The following CA10 variants were observed in gnomAD, a reference collection of about 807,000 sequenced individuals.
The protein encoded by CA10 is carbonic anhydrase-related protein 10.
Under a neutral mutation model 44.2 loss-of-function variants are expected in CA10, and 14 were observed. The observed-to-expected ratio is 0.32, with a 90% CI of 0.21 to 0.50. The LOEUF (loss-of-function observed/expected upper bound fraction) is 0.50. Ranked by LOEUF, CA10 falls within the 20% of genes least tolerant of loss-of-function variation. The pLI is 0.99. For synonymous variants in CA10, 159 were observed against 141.6 expected (o/e 1.12, Z -0.87); for missense variants, 350 against 409.7 (o/e 0.85, Z 1.26).
intron 1 of CA10, among the ~76,000 whole-genome samples, chr17:52,136,401 G>T (rs1456863910): frequency 6.6e-6 from 1 of 152,178 alleles, no homozygotes; most frequent in Non-Finnish European, 1.5e-5. Flanking sequence ...TAATGAGCAA[G>T]TTACACCATC....
At chr17:51,931,201 G>A (rs1489236922) in intron 2 of CA10, 69 bp from the exon 3 acceptor site, 2 of 1,478,884 alleles carry the variant, frequency 1.4e-6, no homozygotes, top group Non-Finnish European at 1.9e-6. Context: ...AATAAACAGA[G>A]CTATGTACAA....
chr17:51,966,025 G>A (rs950342289), intron 2 of CA10, among the ~76,000 whole-genome samples: 1 of 152,026 alleles, frequency 6.6e-6, no homozygotes, highest in South Asian at 2.1e-4. Context: ...AAAGTTTCAT[G>A]TTATAAAGTC....
chr17:51,928,098 T>C (rs1982503495), intron 3 of CA10, among the ~76,000 whole-genome samples: 1 of 152,152 alleles, frequency 6.6e-6, no homozygotes, highest in Admixed American at 6.5e-5. Flanking sequence ...TTTACTAATT[T>C]TGGATACTTG....
At chr17:51,700,731 G>T (rs1915568620) in intron 4 of CA10, among the ~76,000 whole-genome samples, 1 of 152,174 alleles carries the variant, frequency 6.6e-6, no homozygotes, top group African/African-American at 2.4e-5. Context: ...TCCGTAAGTG[G>T]TCACGTTCCT....
chr17:51,923,571 G>T (rs1425041430), intron 3 of CA10, among the ~76,000 whole-genome samples: 1 of 152,094 alleles, frequency 6.6e-6, no homozygotes, highest in South Asian at 2.1e-4. Flanking sequence ...GAACATAAAA[G>T]CCTCAAACAT....
At chr17:51,830,195 C>CAAAAAA (rs1220410518) in intron 3 of CA10, among the ~76,000 whole-genome samples, 435 of 86,712 alleles carry the variant, frequency 5.0e-3, no homozygotes, top group Middle Eastern at 0.014. Context: ...GACTCCATCT[C>CAAAAAA]AAAAAAAAAA....
intron 2 of CA10, among the ~76,000 whole-genome samples, chr17:52,026,617 G>A (rs572995439): frequency 2.2e-4 from 33 of 152,232 alleles, no homozygotes; most frequent in African/African-American, 7.7e-4. Flanking sequence ...AACAATCATG[G>A]CAGAAGGGGA....
intron 3 of CA10, among the ~76,000 whole-genome samples, chr17:51,781,945 G>T (rs1018946256): frequency 1.3e-5 from 2 of 152,158 alleles, no homozygotes; most frequent in African/African-American, 2.4e-5. Context: ...CAGAAGATTT[G>T]CTCCAAATCT....
At chr17:51,996,892 G>A (rs182761870) in intron 2 of CA10, among the ~76,000 whole-genome samples, 5 of 152,118 alleles carry the variant, frequency 3.3e-5, no homozygotes, top group East Asian at 1.9e-4. Flanking sequence ...TGATAAAAAC[G>A]TCACCAAGAG....
At chr17:52,089,464 A>G (rs886756594) in intron 1 of CA10, among the ~76,000 whole-genome samples, 1 of 152,192 alleles carries the variant, frequency 6.6e-6, no homozygotes, top group Admixed American at 6.6e-5. Context: ...AGCATTTTAT[A>G]TATGTATTGA....
chr17:52,009,085 C>T (rs547246920), intron 2 of CA10, among the ~76,000 whole-genome samples: 1 of 152,066 alleles, frequency 6.6e-6, no homozygotes, highest in South Asian at 2.1e-4. Context: ...GAACATAGCC[C>T]TTAAAGACAC....
At chr17:52,090,579 A>G (rs1988232733) in intron 1 of CA10, among the ~76,000 whole-genome samples, 1 of 152,194 alleles carries the variant, frequency 6.6e-6, no homozygotes, top group Non-Finnish European at 1.5e-5. Flanking sequence ...GTCATAATAT[A>G]CATCCTGGAT....
chr17:51,999,740 C>T (rs970332668), intron 2 of CA10, among the ~76,000 whole-genome samples: 14 of 152,186 alleles, frequency 9.2e-5, no homozygotes, highest in Non-Finnish European at 1.3e-4. Context: ...CCTGTCCATT[C>T]TGTCCTTGTT....
At chr17:51,886,892 C>T (rs540380965) in intron 3 of CA10, among the ~76,000 whole-genome samples, 25 of 152,272 alleles carry the variant, frequency 1.6e-4, no homozygotes, top group South Asian at 4.2e-4. Context: ...AGAACCTGGA[C>T]TTATGCCATT....
intron 3 of CA10, among the ~76,000 whole-genome samples, chr17:51,799,427 G>A (rs1906842597): frequency 6.6e-6 from 1 of 152,156 alleles, no homozygotes; most frequent in South Asian, 2.1e-4. Flanking sequence ...TTTACTGGCT[G>A]TTGGCTGATC....
chr17:51,998,513 C>T (rs183987229), intron 2 of CA10, among the ~76,000 whole-genome samples: 2 of 152,022 alleles, frequency 1.3e-5, no homozygotes, highest in East Asian at 1.9e-4. Flanking sequence ...CCTTTTTCCT[C>T]GAGTGGATTT....
chr17:51,874,064 A>G (rs1470077029), intron 3 of CA10, among the ~76,000 whole-genome samples: 1 of 152,240 alleles, frequency 6.6e-6, no homozygotes. Flanking sequence ...GACCCAGTTA[A>G]CTATGGCTTT....
At chr17:52,060,855 G>A (rs570687257) in intron 2 of CA10, among the ~76,000 whole-genome samples, 7 of 152,220 alleles carry the variant, frequency 4.6e-5, no homozygotes, top group African/African-American at 7.2e-5. Flanking sequence ...CTGCTTCTAC[G>A]TTGACCTGCA....
chr17:51,708,338 A>T (rs1242443410), intron 4 of CA10, among the ~76,000 whole-genome samples: 1 of 152,220 alleles, frequency 6.6e-6, no homozygotes, highest in East Asian at 1.9e-4. Flanking sequence ...CTGAACACTT[A>T]GACTTTCACA....
Sources: allele counts gnomAD v4.1 joint callset (sites outside exome capture counted in the v4.1 genomes callset), GRCh38; gene constraint gnomAD v4.1.1; transcripts MANE v1.5; gene names NCBI Gene and HGNC (gene_info 2026-07-23, HGNC 2026-07-21).